PEX5: variants seen among roughly 807,000 people sequenced by gnomAD.
PEX5 encodes peroxisomal biogenesis factor 5, also known as PTS1 receptor.
A neutral mutation model predicts 82.9 loss-of-function variants in PEX5; 52 were observed. That is an observed-to-expected ratio of 0.63 (90% CI 0.50 to 0.79). The LOEUF is 0.79. PEX5 is among the 30% of genes least tolerant of loss of function. PEX5 has a pLI of 0.00. For missense variants in PEX5, 719 were observed against 815.2 expected (o/e 0.88, Z 1.44); for synonymous variants, 300 against 318.8 (o/e 0.94, Z 0.63).
chr12:7,211,919 A>C (rs928903267), downstream of PEX5, among the ~76,000 whole-genome samples: 3 of 151,574 alleles, frequency 2.0e-5, no homozygotes, highest in African/African-American at 4.9e-5. Flanking sequence ...ATACTTGGAG[A>C]TAGATGTTTG....
chr12:7,190,325 T>C (rs780366499), intron 1 of PEX5, 37 bp from the exon 2 acceptor site: 5 of 1,610,346 alleles, frequency 3.1e-6, no homozygotes, highest in South Asian at 2.2e-5. Flanking sequence ...AGGGTCTGGC[T>C]TGGGTACCTC....
At position 7,190,065 on chromosome 12, in the gene PEX5, C is replaced by T. The variant is rs764429324; in HGVS notation, c.-16-297C>T. 62 of 1,500,078 alleles carry T rather than the reference C, an allele frequency of 4.1e-5. No individual in the cohort carries two copies. The African/African-American group carries it at 8.5e-4, about 21-fold the overall frequency. 92.9% of individuals were successfully genotyped at this position (1,500,078 alleles called of 1,614,324 possible). The stretch of plus-strand genomic sequence containing the variant: ...TTGTTGAAGCGTCCCCGTGGTCCCC[C>T]GGGGTCCAGGCCCCTTTGTGGAGGC... On this transcript the variant is annotated intron_variant, in intron 1 of 15. Transcript: ENST00000675855.
intron 5 of PEX5, among the ~76,000 whole-genome samples, chr12:7,193,114 A>C (rs778223719): frequency 6.6e-6 from 1 of 152,192 alleles, no homozygotes; most frequent in Non-Finnish European, 1.5e-5. Flanking sequence ...CACAAGGTGG[A>C]TATCCCACCC....
At position 7,191,373 on chromosome 12, in the gene PEX5, T is replaced by C. The variant is rs755789392; in HGVS notation, c.316+15T>C. 1.9e-6 allele frequency: 3 copies of C among 1,614,086 alleles called. No individual in the cohort carries two copies. The highest frequency in any genetic ancestry group is 2.5e-6 in the Non-Finnish European group (3 of 1,179,996). Reference sequence around the variant, plus strand: ...TCCCCAGAGAGGTGAGTCCAGAGTCTAGTGGGAGGGGAGATCGTTTTCCAT... The same window carrying C: ...TCCCCAGAGAGGTGAGTCCAGAGTCCAGTGGGAGGGGAGATCGTTTTCCAT... On this transcript the variant is annotated intron_variant, in intron 4 of 15. Coordinates refer to ENST00000675855, the MANE Select transcript of PEX5 (RefSeq NM_001351132.2).
At chr12:7,212,294 A>T (rs1299348551), downstream of PEX5, among the ~76,000 whole-genome samples, 3 of 151,976 alleles carry the variant, frequency 2.0e-5, no homozygotes, top group Non-Finnish European at 1.5e-5. Flanking sequence ...AAATTTATTT[A>T]AAAAGTTTTT....
At chr12:7,202,511 C>A in intron 8 of PEX5, 101 bp from the exon 9 acceptor site, 1 of 1,392,168 alleles carries the variant, frequency 7.2e-7, no homozygotes, top group Admixed American at 1.7e-5. Flanking sequence ...GAATGATTTT[C>A]TCAGAAGTAC....
At chr12:7,197,348 CAT>C (rs1373742601) in intron 5 of PEX5, among the ~76,000 whole-genome samples, 1 of 134,518 alleles carries the variant, frequency 7.4e-6, no homozygotes, top group East Asian at 2.1e-4. Flanking sequence ...TTATATATGT[CAT>C]ATACAATGTA....
At chr12:7,199,332 C>T (rs1436974044) in intron 6 of PEX5, among the ~76,000 whole-genome samples, 1 of 149,640 alleles carries the variant, frequency 6.7e-6, no homozygotes, top group African/African-American at 2.5e-5. Flanking sequence ...TCTGGTTTTC[C>T]TAGGCAGAGG....
downstream of PEX5, among the ~76,000 whole-genome samples, chr12:7,213,567 A>AAATC (rs1438627311): frequency 6.7e-6 from 1 of 148,732 alleles, no homozygotes; most frequent in Non-Finnish European, 1.5e-5. Context: ...CCTTATACAA[A>AAATC]AATCAATTCA....
At chr12:7,197,334 ATAAT>A (rs1160302309) in intron 5 of PEX5, among the ~76,000 whole-genome samples, 26 of 126,392 alleles carry the variant, frequency 2.1e-4, no homozygotes, top group Admixed American at 6.3e-4. Context: ...ATACAATGTA[ATAAT>A]TATATATGTC....
chr12:7,204,399 T>A (rs1944508562), intron 10 of PEX5, among the ~76,000 whole-genome samples: 1 of 152,192 alleles, frequency 6.6e-6, no homozygotes. Flanking sequence ...AAGGGAGCTA[T>A]GCAAAGATGG....
At chr12:7,212,149 G>GAGAC (rs1414832207), downstream of PEX5, among the ~76,000 whole-genome samples, 1 of 151,778 alleles carries the variant, frequency 6.6e-6, no homozygotes, top group African/African-American at 2.4e-5. Context: ...ATTTTTATTA[G>GAGAC]AGACAGGGTT....
At chr12:7,189,841 G>T in intron 1 of PEX5, 91 bp downstream of exon 1, 1 of 1,192,848 alleles carries the variant, frequency 8.4e-7, no homozygotes, top group South Asian at 2.1e-5. Flanking sequence ...GGCGGGGCTG[G>T]AGCGGCAGCA....
chr12:7,191,615 G>A lies in PEX5; in HGVS notation c.363G>A (p.Glu121=), dbSNP rs1204105617. ...CCTTGTCTGAGAACTGGGCCCAGGA[G>A]TTTCTTGCAGCTGGAGATGCTGTGG... ...DLALSENWAQ[E]FLAAGDAVDV... The change falls in exon 5 of 16, where the codon GAG becomes GAA. Residue 121 remains glutamate (E), a synonymous_variant. Coordinates refer to ENST00000675855, the MANE Select transcript of PEX5 (RefSeq NM_001351132.2). The A allele has an allele frequency of 1.9e-6, 3 of 1,614,020 alleles. No individual in the cohort carries two copies. In the South Asian group the frequency reaches 3.3e-5, roughly 18 times the overall value.
intron 5 of PEX5, among the ~76,000 whole-genome samples, chr12:7,193,883 T>C (rs927657763): frequency 6.6e-6 from 1 of 152,224 alleles, no homozygotes; most frequent in African/African-American, 2.4e-5. Context: ...GTAGATTCTT[T>C]TGGAATCGTG....
Position 7,208,097 on chromosome 12 carries a change from G to A in PEX5, c.1181+17G>A. On this transcript the variant is annotated intron_variant, in intron 12 of 15. Transcript: ENST00000675855. Reference sequence around the variant, plus strand: ...ATTGCGGAGGTGAGTACACTGAAAGGTGTGGGTGAGGTGCTTCCAAGGCTC... The same window carrying A: ...ATTGCGGAGGTGAGTACACTGAAAGATGTGGGTGAGGTGCTTCCAAGGCTC... The A allele has an allele frequency of 6.3e-7, 1 of 1,586,716 alleles. No homozygotes were observed.
chr12:7,189,001 T>C (rs1344947742), upstream of PEX5: 1 of 152,220 alleles, frequency 6.6e-6, no homozygotes, highest in African/African-American at 2.4e-5. Context: ...AAGGGCTGAC[T>C]CACTGTTCAC....
At chr12:7,190,858 T>C (rs1235927276) in intron 2 of PEX5, 30 bp from the exon 3 acceptor site, 1 of 1,609,030 alleles carries the variant, frequency 6.2e-7, no homozygotes, top group Non-Finnish European at 8.5e-7. Flanking sequence ...AGGAACTGCG[T>C]CATTGTACAT....
In PEX5 at chr12:7,190,918, G is replaced by A; in HGVS notation, c.178G>A (p.Asp60Asn). 1 of 1,613,088 alleles carries A rather than the reference G, an allele frequency of 6.2e-7. No individual in the cohort carries two copies. The highest frequency in any genetic ancestry group is 1.1e-5 in the South Asian group (1 of 91,060). ...CAAGCCTTTGGGAGTAGCTTCTGAA[G>A]ATGAGGTAAATAGACCAGTCTCTTT... ...ASKPLGVASE[D>N]ELVAEFLQDQ... Residue 60 changes from aspartate to asparagine, a missense_variant, in exon 3 of 16, where the codon GAT becomes AAT. By Grantham distance (23) the Asp-to-Asn change is conservative. Coordinates refer to ENST00000675855, the MANE Select transcript of PEX5 (RefSeq NM_001351132.2).
Sources: gnomAD v4.1 joint callset for allele counts (sites outside exome capture counted in the v4.1 genomes callset) on GRCh38, gnomAD v4.1.1 for gene constraint, MANE v1.5 for transcripts, NCBI Gene and HGNC (gene_info 2026-07-23, HGNC 2026-07-21) for gene names.